Variants in NOTCH1 observed in about 807,000 individuals in gnomAD.
NOTCH1 encodes the protein notch receptor 1.
Under a neutral mutation model 254.8 loss-of-function variants are expected in NOTCH1, and 37 were observed. The ratio of observed to expected loss-of-function variants is 0.15; its 90% CI spans 0.11 to 0.19. The LOEUF is 0.19. Among genes scored for constraint, NOTCH1 ranks in the 10% least tolerant of loss-of-function variants. The pLI is 1.00. For synonymous variants in NOTCH1, 1,731 were observed against 1,618.1 expected (o/e 1.07, Z -1.68); for missense variants, 2,972 against 3,708.6 (o/e 0.80, Z 5.16).
chr9:136,522,078 A>C (rs1292118003), intron 4 of NOTCH1, among the ~76,000 whole-genome samples: 7 of 151,592 alleles, frequency 4.6e-5, no homozygotes, highest in Non-Finnish European at 8.8e-5. Context: ...CCCGGGTTCA[A>C]GTGATTCTCC....
In NOTCH1 at chr9:136,497,619, A is replaced by G. The variant is rs1268308589; in HGVS notation, c.6181-61T>C. ...AGGCCAGGCGTGGGGACCCTCCCCAAGGTTCCATCACCAGAGGAAGCAGCA... is the reference window on the plus strand; with the variant it reads ...AGGCCAGGCGTGGGGACCCTCCCCAGGGTTCCATCACCAGAGGAAGCAGCA... On this transcript the variant is annotated intron_variant, in intron 33 of 33. Transcript: ENST00000651671. 3 of 1,427,038 alleles carry G rather than the reference A, an allele frequency of 2.1e-6. No homozygotes were observed. The East Asian group carries it at 7.4e-5, about 35-fold the overall frequency. The allele number at this position is 1,427,038 out of a possible 1,614,324, so 88.4% of individuals were successfully genotyped here.
At chr9:136,531,349 T>TG (rs903029817) in intron 2 of NOTCH1, among the ~76,000 whole-genome samples, 1 of 152,154 alleles carries the variant, frequency 6.6e-6, no homozygotes, top group African/African-American at 2.4e-5. Flanking sequence ...CACCTGCTGA[T>TG]GGGGACCAGA....
intron 16 of NOTCH1, 121 bp downstream of exon 16, chr9:136,511,031 G>T: frequency 6.7e-7 from 1 of 1,484,532 alleles, no homozygotes. Context: ...TCCGACCAGG[G>T]CCTCCTCAGC....
chr9:136,516,670 A>G (rs1052443295), intron 9 of NOTCH1, among the ~76,000 whole-genome samples: 2 of 152,110 alleles, frequency 1.3e-5, no homozygotes, highest in African/African-American at 4.8e-5. Context: ...TCAGAAAGCC[A>G]GGCTGGAGCC....
Position 136,507,384 on chromosome 9 carries a change from G to A in NOTCH1, c.3564C>T (p.Leu1188=), listed in dbSNP as rs367932079. 12 of 1,612,076 alleles carry A rather than the reference G, an allele frequency of 7.4e-6. No homozygotes were observed. Among genetic ancestry groups the A allele is most frequent in the African/African-American group, 5.3e-5 (4 of 74,882 alleles). The change falls in exon 22 of 34, where the codon CTC becomes CTT. Residue 1188 remains leucine, a synonymous_variant. Transcript: ENST00000651671. ...TGCCCCCGTTCTGGCAGGGGTGGGAGAGGCACTCGTCGATCTCCTCAGAGC... is the reference window on the plus strand; with the variant it reads ...TGCCCCCGTTCTGGCAGGGGTGGGAAAGGCACTCGTCGATCTCCTCAGAGC... ...VNCSEEIDEC[L]SHPCQNGGTC...
rs573928245 is a variant in NOTCH1, at chr9:136,531,960, G to A, written c.141-7981C>T. Among the ~76,000 whole-genome samples, 79 of 152,322 alleles carry A rather than the reference G, an allele frequency of 5.2e-4. 1 individual carries two copies. Among genetic ancestry groups the A allele is most frequent in the Admixed American group, 1.1e-3 (17 of 15,304 alleles). Reference sequence around the variant, plus strand: ...GAATCCTCCTCTCGGAACACCGCTCGCCTGCCGGCCCAGTCCCAGCGCCCA... The same window carrying A: ...GAATCCTCCTCTCGGAACACCGCTCACCTGCCGGCCCAGTCCCAGCGCCCA... On this transcript the variant is annotated intron_variant, in intron 2 of 33. Coordinates refer to ENST00000651671, the MANE Select transcript of NOTCH1 (RefSeq NM_017617.5).
intron 2 of NOTCH1, among the ~76,000 whole-genome samples, chr9:136,527,469 G>A (rs1306393716): frequency 2.0e-5 from 3 of 152,234 alleles, no homozygotes; most frequent in Non-Finnish European, 4.4e-5. Context: ...GCGCCCACGG[G>A]GATCCTCAGG....
chr9:136,515,637 G>A lies in NOTCH1; in HGVS notation c.1749C>T (p.Gly583=), dbSNP rs751367001. Residue 583 remains glycine (G), a synonymous_variant, in exon 11 of 34, where the codon GGC becomes GGT. Transcript: ENST00000651671. ...DPCHYGSCKD[G]VATFTCLCRP... The stretch of plus-strand genomic sequence containing the variant: ...GGCAGAGGCAGGTGAAGGTGGCGAC[G>A]CCGTCCTTGCAGGAGCCGTAGTGGC... 1.3e-5 allele frequency: 21 copies of A among 1,598,496 alleles called. No homozygotes were observed. The highest frequency in any genetic ancestry group is 3.6e-4 in the Middle Eastern group (2 of 5,550).
In NOTCH1 at chr9:136,512,967, G is replaced by GC. The variant is rs1368825879; in HGVS notation, c.2467+53dup. ...CTCCGCCCTCTCCAGCACAGGTCCC[G>GC]CCCCTCCCACATAGGCCCCGCCCCC... On this transcript the variant is annotated intron_variant, in intron 15 of 33. Transcript: ENST00000651671. The GC allele has an allele frequency of 1.5e-3, 463 of 304,546 alleles. 1 individual carries two copies. The highest frequency in any genetic ancestry group is 2.2e-3 in the Non-Finnish European group (353 of 160,444). 18.9% of individuals were successfully genotyped at this position (304,546 alleles called of 1,614,324 possible). A position where few individuals can be genotyped will look rare whatever the true frequency, so the allele number is the denominator to read the frequency against.
intron 1 of NOTCH1, 71 bp from the exon 2 acceptor site, chr9:136,544,173 G>C (rs1351623415): frequency 1.0e-5 from 15 of 1,432,520 alleles, no homozygotes; most frequent in Non-Finnish European, 1.4e-5. Context: ...GGTTACCCTG[G>C]GGGCGGGGAC....
rs11574867 is a variant in NOTCH1, at chr9:136,525,244, G to A, written c.141-1265C>T. ...CGGACACACAGTCTGGGCTCAGAGA[G>A]AACAAGGGGAGCCAGGGGAGGGGTC... On this transcript the variant is annotated intron_variant, in intron 2 of 33. Coordinates refer to ENST00000651671, the MANE Select transcript of NOTCH1 (RefSeq NM_017617.5). Among the ~76,000 whole-genome samples, 1,272 of 152,304 alleles carry A rather than the reference G, an allele frequency of 8.4e-3. 6 individuals are homozygous for A. Among genetic ancestry groups the A allele is most frequent in the Non-Finnish European group, 0.012 (832 of 68,028 alleles).
chr9:136,536,585 C>G (rs376936023), intron 2 of NOTCH1, among the ~76,000 whole-genome samples: 1 of 152,208 alleles, frequency 6.6e-6, no homozygotes, highest in African/African-American at 2.4e-5. Flanking sequence ...CAGCCACCGC[C>G]GCTCCTTTGG....
chr9:136,507,970 G>T lies in NOTCH1; in HGVS notation c.3495C>A (p.Gly1165=). Residue 1165 remains glycine, a synonymous_variant, in exon 21 of 34, where the codon GGC becomes GGA. Transcript: ENST00000651671. ...QNGATCTDYL[G]GYSCKCVAGY... is the part of the protein sequence containing the mutation. Reference sequence around the variant, plus strand: ...GGACCCCCACCTTGCAGGAGTAGCCGCCCAGGTAGTCCGTGCAGGTGGCCC... The same window carrying T: ...GGACCCCCACCTTGCAGGAGTAGCCTCCCAGGTAGTCCGTGCAGGTGGCCC... 5 of 1,612,686 alleles carry T rather than the reference G, an allele frequency of 3.1e-6. No homozygotes were observed. Among genetic ancestry groups the T allele is most frequent in the Non-Finnish European group, 4.2e-6 (5 of 1,180,002 alleles).
rs2133328646 is a variant in NOTCH1 at position 136,501,786 on chromosome 9, A to G, written c.5600T>C (p.Val1867Ala). 2 of 1,612,470 alleles carry G rather than the reference A, an allele frequency of 1.2e-6. No homozygotes were observed. Among genetic ancestry groups the G allele is most frequent in the Non-Finnish European group, 1.7e-6 (2 of 1,179,928 alleles). Residue 1867 changes from valine to alanine, a missense_variant, in exon 30 of 34, where the codon GTT becomes GCT. Physicochemically the swap from Val to Ala is moderately conservative, Grantham distance 64 (BLOSUM62 0). Transcript: ENST00000651671. ...ATTGACGTCCATGCAGTCGGCGTCA[A>G]CCTCACCCTGGGGCGGTGTGGGGGC... is the stretch of plus-strand genomic sequence containing the variant. ...AMAPTPPQGE[V>A]DADCMDVNVR... is the part of the protein sequence containing the mutation.
intron 33 of NOTCH1, among the ~76,000 whole-genome samples, chr9:136,498,242 G>A (rs778495608): frequency 1.3e-5 from 2 of 151,532 alleles, no homozygotes; most frequent in African/African-American, 4.8e-5. Context: ...AGTTGGGGGC[G>A]GGGGTGGGGG....
chr9:136,512,912 C>CA, intron 15 of NOTCH1, 109 bp downstream of exon 15: 7 of 436,940 alleles, frequency 1.6e-5, no homozygotes, highest in South Asian at 3.6e-5. Context: ...AGGCCGCCCC[C>CA]ACCCCTGGCC....
intron 2 of NOTCH1, among the ~76,000 whole-genome samples, chr9:136,530,376 C>T (rs1397636848): frequency 6.6e-6 from 1 of 152,240 alleles, no homozygotes. Flanking sequence ...GGGACAGAAC[C>T]TGTCCTCCCG....
At position 136,533,718 on chromosome 9, in the gene NOTCH1, G is replaced by GC. The variant is rs567355341; in HGVS notation, c.141-9740dup. 6.6e-5 allele frequency among the ~76,000 whole-genome samples: 10 copies of GC among 152,382 alleles called. No homozygotes were observed. In the South Asian group the frequency reaches 2.1e-3, roughly 32 times the overall value. Reference sequence around the variant, plus strand: ...GCAATGGCACCTCCTCAGGGCCTCAGCCCCCGGGCAGGCTCGGTGACCATG... The same window carrying GC: ...GCAATGGCACCTCCTCAGGGCCTCAGCCCCCCGGGCAGGCTCGGTGACCATG... On this transcript the variant is annotated intron_variant, in intron 2 of 33. Coordinates refer to ENST00000651671, the MANE Select transcript of NOTCH1 (RefSeq NM_017617.5).
rs938711337 is a variant in NOTCH1, at chr9:136,513,781, A to G, written c.2208-244T>C. ...CAAGATCAGCCTGGCCAACATGGCG[A>G]AACTCCCCCACCCCATATATACTAA... On this transcript the variant is annotated intron_variant, in intron 13 of 33. Transcript: ENST00000651671. The surrounding 1 kb of genome is among the most constrained non-coding windows in gnomAD (Gnocchi z 4.7). 6.6e-6 allele frequency among the ~76,000 whole-genome samples: 1 copy of G among 152,190 alleles called. No homozygotes were observed. Among genetic ancestry groups the G allele is most frequent in the Non-Finnish European group, 1.5e-5 (1 of 68,032 alleles).
Sources: gnomAD v4.1 joint callset for allele counts (sites outside exome capture counted in the v4.1 genomes callset) on GRCh38, gnomAD v4.1.1 for gene constraint, Gnocchi (gnomAD v3.1) non-coding constraint, MANE v1.5 for transcripts, NCBI Gene and HGNC (gene_info 2026-07-23, HGNC 2026-07-21) for gene names.